Variants in TBX5 observed in about 807,000 individuals in gnomAD.
The protein encoded by TBX5 is T-box transcription factor TBX5.
In TBX5, 8 loss-of-function variants were observed where a neutral mutation model predicts 51.1. The ratio of observed to expected loss-of-function variants is 0.16; its 90% CI spans 0.09 to 0.28. TBX5 has a LOEUF of 0.28. Among genes scored for constraint, TBX5 ranks in the 10% least tolerant of loss-of-function variants. TBX5 has a pLI of 1.00. For synonymous variants in TBX5, 302 were observed against 266.4 expected, an observed-to-expected ratio of 1.13 and a Z score of -1.30; for missense variants, 589 against 671.7, an observed-to-expected ratio of 0.88 and a Z score of 1.36.
intron 2 of TBX5, among the ~76,000 whole-genome samples, chr12:114,402,703 G>GTA (rs1412704868): frequency 3.3e-5 from 5 of 151,840 alleles, no homozygotes; most frequent in South Asian, 2.1e-4. Flanking sequence ...CGATGCAAAT[G>GTA]TATATATATA....
upstream of TBX5, among the ~76,000 whole-genome samples, chr12:114,406,589 C>A (rs1003482714): frequency 2.0e-5 from 3 of 152,092 alleles, no homozygotes; most frequent in Non-Finnish European, 2.9e-5. Flanking sequence ...CCCTCCACCC[C>A]CTACTCATCA....
At chr12:114,400,262 T>A (rs2136419312) in intron 3 of TBX5, among the ~76,000 whole-genome samples, 1 of 152,326 alleles carries the variant, frequency 6.6e-6, no homozygotes, top group Non-Finnish European at 1.5e-5. Flanking sequence ...CCCCCACAAC[T>A]TCTCCAAGGC....
intron 2 of TBX5, among the ~76,000 whole-genome samples, chr12:114,402,960 T>C (rs1871920752): frequency 6.6e-6 from 1 of 152,242 alleles, no homozygotes; most frequent in Admixed American, 6.5e-5. Flanking sequence ...GGCAGGATTT[T>C]AGCCATGTGT....
intron 8 of TBX5, among the ~76,000 whole-genome samples, chr12:114,358,279 G>A (rs546694062): frequency 9.5e-4 from 144 of 152,178 alleles, no homozygotes; most frequent in Non-Finnish European, 1.7e-3. Flanking sequence ...TCCCGTTTTT[G>A]GTGCATGTCC....
At chr12:114,380,932 G>A (rs1440884215) in intron 7 of TBX5, among the ~76,000 whole-genome samples, 1 of 151,294 alleles carries the variant, frequency 6.6e-6, no homozygotes, top group African/African-American at 2.4e-5. Context: ...TTTTTTTTAA[G>A]ACACAGATTG....
chr12:114,402,625 T>G (rs1310305020), intron 2 of TBX5, among the ~76,000 whole-genome samples: 1 of 152,196 alleles, frequency 6.6e-6, no homozygotes, highest in Admixed American at 6.5e-5. Flanking sequence ...ATCCAGCTAT[T>G]TTGATTATAG....
chr12:114,368,240 C>T (rs1455622286), intron 7 of TBX5, among the ~76,000 whole-genome samples: 1 of 152,100 alleles, frequency 6.6e-6, no homozygotes, highest in African/African-American at 2.4e-5. Flanking sequence ...GAGGCTGAGG[C>T]AAGAGGATTG....
chr12:114,397,890 T>C (rs139090272), intron 5 of TBX5, among the ~76,000 whole-genome samples: 28 of 152,298 alleles, frequency 1.8e-4, no homozygotes, highest in African/African-American at 6.3e-4. Flanking sequence ...AGCTGGGCTC[T>C]CCCTCTCCCC....
intron 7 of TBX5, among the ~76,000 whole-genome samples, chr12:114,371,140 A>G (rs1869879454): frequency 6.6e-6 from 1 of 152,220 alleles, no homozygotes; most frequent in African/African-American, 2.4e-5. Context: ...CCCGGGCAAT[A>G]TCAAGATCTA....
At chr12:114,386,059 T>C (rs993356983) in intron 6 of TBX5, among the ~76,000 whole-genome samples, 3 of 152,224 alleles carry the variant, frequency 2.0e-5, no homozygotes, top group African/African-American at 7.2e-5. Context: ...CCTCATTTCA[T>C]GTTCATTTCA....
At chr12:114,377,547 T>G (rs1383506636) in intron 7 of TBX5, among the ~76,000 whole-genome samples, 1 of 151,594 alleles carries the variant, frequency 6.6e-6, no homozygotes, top group Non-Finnish European at 1.5e-5. Context: ...CAGGCTATCA[T>G]GTCCAGTTAA....
intron 8 of TBX5, among the ~76,000 whole-genome samples, chr12:114,359,852 C>A (rs560428802): frequency 1.3e-5 from 2 of 152,154 alleles, no homozygotes; most frequent in African/African-American, 4.8e-5. Flanking sequence ...ATAATGAGGG[C>A]AGTTGAGTTT....
At position 114,355,466 on chromosome 12, in the gene TBX5, TTCTCTCTCTTTCTCCTCTC is replaced by T. The variant is rs1565923191; in HGVS notation, c.*47_*65del. ...GTTCTCTTGGCTACTGTCTCTCTCC[TTCTCTCTCTTTCTCCTCTC>T]TCTCTCTCTTTCTCTAGGAAATGTC... On this transcript the variant is annotated 3_prime_UTR_variant, in exon 9 of 9. Coordinates refer to ENST00000405440, the MANE Select transcript of TBX5 (RefSeq NM_181486.4). 2 of 1,581,994 alleles carry T rather than the reference TTCTCTCTCTTTCTCCTCTC, an allele frequency of 1.3e-6. No individual in the cohort carries two copies. Among genetic ancestry groups the T allele is most frequent in the Middle Eastern group, 1.7e-4 (1 of 5,948 alleles).
At chr12:114,401,794 C>T (rs745430545) in intron 3 of TBX5, 32 bp downstream of exon 3, 3 of 1,605,058 alleles carry the variant, frequency 1.9e-6, no homozygotes, top group Non-Finnish European at 2.6e-6. Flanking sequence ...AATTTCTCCT[C>T]GTCCCTCTCT....
chr12:114,356,996 AT>A (rs1868956330), intron 8 of TBX5, among the ~76,000 whole-genome samples: 1 of 77,614 alleles, frequency 1.3e-5, no homozygotes, highest in Non-Finnish European at 3.4e-5. Flanking sequence ...TGTACGATGG[AT>A]GGATGGATGG....
intron 7 of TBX5, among the ~76,000 whole-genome samples, chr12:114,375,249 A>C (rs1036346029): frequency 5.3e-5 from 8 of 152,220 alleles, no homozygotes; most frequent in African/African-American, 1.9e-4. Context: ...CCCAAGTGTG[A>C]CCAGGGGACA....
At chr12:114,386,214 C>G (rs936270123) in intron 6 of TBX5, among the ~76,000 whole-genome samples, 6 of 152,158 alleles carry the variant, frequency 3.9e-5, no homozygotes, top group African/African-American at 1.4e-4. Flanking sequence ...AGAGGTTTCT[C>G]TCTTGGAAAT....
chr12:114,396,158 G>T (rs1161848935), intron 5 of TBX5, among the ~76,000 whole-genome samples: 1 of 151,972 alleles, frequency 6.6e-6, no homozygotes, highest in Non-Finnish European at 1.5e-5. Flanking sequence ...GGCCGGGGGC[G>T]GGGGAGGGAC....
At chr12:114,366,535 T>G in intron 7 of TBX5, 144 bp from the exon 8 acceptor site, 2 of 788,664 alleles carry the variant, frequency 2.5e-6, no homozygotes, top group Non-Finnish European at 4.2e-6. Context: ...AATGATCCAG[T>G]TATATTCATG....
Sources: gnomAD v4.1 joint callset for allele counts (sites outside exome capture counted in the v4.1 genomes callset) on GRCh38, gnomAD v4.1.1 for gene constraint, MANE v1.5 for transcripts, NCBI Gene and HGNC (gene_info 2026-07-23, HGNC 2026-07-21) for gene names.